The following NREP variants were observed in gnomAD, a reference collection of about 807,000 sequenced individuals.
NREP encodes neuronal regeneration-related protein.
NREP carries 5 observed loss-of-function variants against 8.6 expected under a neutral mutation model. That is an observed-to-expected ratio of 0.58 (90% CI 0.30 to 1.22). The LOEUF (loss-of-function observed/expected upper bound fraction) is 1.22, where lower values mean the gene tolerates loss of function less well. Among genes scored for constraint, NREP ranks in the 50% most tolerant of loss-of-function variants. NREP has a pLI of 0.07. For missense variants in NREP, 86 were observed against 82.5 expected (o/e 1.04, Z -0.17); for synonymous variants, 27 against 28.0 (o/e 0.96, Z 0.11).
chr5:111,769,373 A>T (rs1475006877), intron 2 of NREP, among the ~76,000 whole-genome samples: 4 of 152,250 alleles, frequency 2.6e-5, no homozygotes, highest in African/African-American at 7.2e-5. Context: ...GAAACAAATT[A>T]GTATAAGCAG....
At chr5:111,787,824 A>T (rs1472988520) in intron 2 of NREP, among the ~76,000 whole-genome samples, 1 of 152,176 alleles carries the variant, frequency 6.6e-6, no homozygotes, top group Non-Finnish European at 1.5e-5. Context: ...CAGGCCAGGC[A>T]TCGTGGCTCA....
chr5:111,759,048 C>T (rs1750893420), upstream of NREP, among the ~76,000 whole-genome samples: 1 of 152,200 alleles, frequency 6.6e-6, no homozygotes, highest in Admixed American at 6.5e-5. Flanking sequence ...AACAAATTCC[C>T]TTGACCCTTT....
At chr5:111,962,080 C>T (rs956258346) in intron 2 of NREP, among the ~76,000 whole-genome samples, 23 of 152,160 alleles carry the variant, frequency 1.5e-4, no homozygotes, top group African/African-American at 5.5e-4. Flanking sequence ...GCAGCCTCCA[C>T]AAGAACCAAG....
chr5:111,952,021 C>T (rs796138926), intron 2 of NREP, among the ~76,000 whole-genome samples: 3 of 152,242 alleles, frequency 2.0e-5, no homozygotes, highest in African/African-American at 7.2e-5. Flanking sequence ...TCCCAGGCAA[C>T]TATCACTCAG....
chr5:111,757,693 G>A (rs1196006154), upstream of NREP: 2 of 984,068 alleles, frequency 2.0e-6, no homozygotes, highest in East Asian at 1.1e-4. Flanking sequence ...GCGCCCCGGG[G>A]AGACAAAGCG....
At chr5:111,873,121 G>C (rs1446208825) in intron 2 of NREP, among the ~76,000 whole-genome samples, 1 of 152,128 alleles carries the variant, frequency 6.6e-6, no homozygotes, top group African/African-American at 2.4e-5. Flanking sequence ...AAATTAAATA[G>C]TGCAAGTAAT....
intron 2 of NREP, among the ~76,000 whole-genome samples, chr5:111,905,185 A>G (rs1754749736): frequency 6.6e-6 from 1 of 152,156 alleles, no homozygotes; most frequent in Non-Finnish European, 1.5e-5. Context: ...GTTGACCTCT[A>G]CACATGGGTG....
chr5:111,950,059 A>C (rs1338356556), intron 2 of NREP, among the ~76,000 whole-genome samples: 2 of 151,996 alleles, frequency 1.3e-5, no homozygotes, highest in East Asian at 3.9e-4. Context: ...AGTGTAAAAG[A>C]GCTCCTTTTC....
At chr5:111,876,931 G>C (rs1753924036) in intron 2 of NREP, among the ~76,000 whole-genome samples, 1 of 152,178 alleles carries the variant, frequency 6.6e-6, no homozygotes, top group Non-Finnish European at 1.5e-5. Context: ...TTAAGTGATA[G>C]AATCAGAATG....
chr5:111,771,775 A>C (rs916801470), intron 2 of NREP, among the ~76,000 whole-genome samples: 4 of 151,872 alleles, frequency 2.6e-5, no homozygotes, highest in African/African-American at 7.3e-5. Flanking sequence ...AAAAAAAAAA[A>C]AAACAAAAAA....
At chr5:111,835,992 T>G (rs1752884963) in intron 2 of NREP, among the ~76,000 whole-genome samples, 1 of 152,112 alleles carries the variant, frequency 6.6e-6, no homozygotes, top group Non-Finnish European at 1.5e-5. Context: ...ATTCAGGTTC[T>G]GGCACTAGGA....
intron 2 of NREP, among the ~76,000 whole-genome samples, chr5:111,952,343 G>T (rs1756185243): frequency 6.6e-6 from 1 of 152,094 alleles, no homozygotes; most frequent in Admixed American, 6.6e-5. Context: ...TGCTCCCAGG[G>T]TGATGTTCCC....
At chr5:111,893,321 G>T (rs1316327985) in intron 2 of NREP, among the ~76,000 whole-genome samples, 4 of 152,114 alleles carry the variant, frequency 2.6e-5, no homozygotes, top group Non-Finnish European at 5.9e-5. Context: ...TGTAAACTGT[G>T]AGTTAGAAAA....
chr5:111,761,876 A>T (rs1750967692), upstream of NREP, among the ~76,000 whole-genome samples: 1 of 152,244 alleles, frequency 6.6e-6, no homozygotes. Context: ...TTCATGCTTA[A>T]GAAATGTGAA....
intron 3 of NREP, chr5:111,732,444 A>G (rs1474036413): frequency 5.9e-5 from 9 of 152,092 alleles, no homozygotes; most frequent in Admixed American, 5.9e-4. Context: ...ACCATGATGT[A>G]CTTTAATATT....
At chr5:111,758,052 G>A (rs564663040), upstream of NREP, 23 of 985,578 alleles carry the variant, frequency 2.3e-5, no homozygotes, top group East Asian at 1.8e-3. Context: ...CGGCGGCGCG[G>A]AGCCGCGCTC....
intron 2 of NREP, among the ~76,000 whole-genome samples, chr5:111,903,725 C>T (rs1754707544): frequency 6.6e-6 from 1 of 152,080 alleles, no homozygotes; most frequent in Admixed American, 6.6e-5. Flanking sequence ...AAATAACATG[C>T]TTATCTCTTA....
intron 2 of NREP, among the ~76,000 whole-genome samples, chr5:111,874,517 T>C (rs1418446086): frequency 6.6e-6 from 1 of 152,024 alleles, no homozygotes; most frequent in Non-Finnish European, 1.5e-5. Flanking sequence ...ATGAAAAAAT[T>C]TGGGGAATTT....
chr5:111,901,492 A>G (rs1277119724), intron 2 of NREP, among the ~76,000 whole-genome samples: 2 of 152,056 alleles, frequency 1.3e-5, no homozygotes, highest in Non-Finnish European at 2.9e-5. Context: ...AGGCAAGAGG[A>G]AAAAATAATT....
Sources: allele counts gnomAD v4.1 joint callset (sites outside exome capture counted in the v4.1 genomes callset), GRCh38; gene constraint gnomAD v4.1.1; transcripts MANE v1.5; gene names NCBI Gene and HGNC (gene_info 2026-07-23, HGNC 2026-07-21).